Variants in MOB1B observed in about 807,000 individuals in gnomAD.
MOB1B encodes MOB kinase activator 1B.
Under a neutral mutation model 24.4 loss-of-function variants are expected in MOB1B, and 19 were observed. That is an observed-to-expected ratio of 0.78 (90% CI 0.54 to 1.14). The LOEUF (loss-of-function observed/expected upper bound fraction) is 1.14. Ranked by LOEUF, MOB1B falls within the 50% of genes most tolerant of loss-of-function variation. The pLI, the probability that MOB1B is intolerant of heterozygous loss-of-function variation, is 0.00. For missense variants in MOB1B, 243 were observed against 259.6 expected (o/e 0.94, Z 0.44); for synonymous variants, 76 against 82.1 (o/e 0.93, Z 0.40).
intron 1 of MOB1B, among the ~76,000 whole-genome samples, chr4:70,904,101 GCCT>G (rs1185205676): frequency 7.0e-6 from 1 of 143,466 alleles, no homozygotes; most frequent in East Asian, 2.2e-4. Flanking sequence ...TCCTGCCTCA[GCCT>G]CCTGAGTAGC....
intron 1 of MOB1B, among the ~76,000 whole-genome samples, chr4:70,951,327 A>G (rs1003740408): frequency 3.3e-5 from 5 of 152,168 alleles, no homozygotes; most frequent in African/African-American, 1.2e-4. Flanking sequence ...CCACTGTTTT[A>G]GAGTCTCAAA....
At chr4:70,933,601 G>T (rs1736968941) in intron 1 of MOB1B, among the ~76,000 whole-genome samples, 1 of 141,390 alleles carries the variant, frequency 7.1e-6, no homozygotes, top group African/African-American at 2.7e-5. Context: ...AACCAGGCTG[G>T]AGTGCAATGG....
Position 70,959,010 on chromosome 4 carries a change from G to T in MOB1B, c.151G>T (p.Glu51Ter). The T allele has an allele frequency of 6.2e-7, 1 of 1,613,956 alleles. No homozygotes were observed. Among genetic ancestry groups the T allele is most frequent in the East Asian group, 2.2e-5 (1 of 44,882 alleles). The change falls in exon 2 of 6, where the codon GAA (glutamate) becomes TAA (stop). Residue 51 changes from glutamate to a stop codon, truncating the protein, a stop_gained. Coordinates refer to ENST00000309395, the MANE Select transcript of MOB1B (RefSeq NM_173468.4). LOFTEE classifies it high-confidence loss of function. Reference protein sequence around the residue: ...LRMAVMLPEGEDLNEWVAVNT... With the variant: ...LRMAVMLPEG ...GATGGCTGTCATGCTTCCTGAAGGGGAAGATCTCAATGAATGGGTTGCAGT... is the reference window on the plus strand; with the variant it reads ...GATGGCTGTCATGCTTCCTGAAGGGTAAGATCTCAATGAATGGGTTGCAGT...
At chr4:70,965,817 A>G (rs1403056457) in intron 2 of MOB1B, among the ~76,000 whole-genome samples, 2 of 150,724 alleles carry the variant, frequency 1.3e-5, no homozygotes, top group African/African-American at 2.4e-5. Context: ...AAAAAAAAAA[A>G]AAAAAAAGTT....
chr4:70,930,687 T>G (rs1043267171), intron 1 of MOB1B, among the ~76,000 whole-genome samples: 2 of 152,224 alleles, frequency 1.3e-5, no homozygotes, highest in African/African-American at 4.8e-5. Context: ...TTTCTTTTTT[T>G]AAATGTCAGG....
chr4:70,927,904 C>T (rs939923441), intron 1 of MOB1B, among the ~76,000 whole-genome samples: 3 of 152,176 alleles, frequency 2.0e-5, no homozygotes, highest in African/African-American at 7.2e-5. Flanking sequence ...TCCGTGCCTT[C>T]CTGCTCTAAC....
At chr4:70,904,994 A>G (rs1384224314) in intron 1 of MOB1B, among the ~76,000 whole-genome samples, 1 of 152,170 alleles carries the variant, frequency 6.6e-6, no homozygotes, top group Non-Finnish European at 1.5e-5. Context: ...GAGCATTTGC[A>G]CTATTTGGGG....
chr4:70,941,657 C>T (rs1737350323), intron 1 of MOB1B, among the ~76,000 whole-genome samples: 2 of 152,138 alleles, frequency 1.3e-5, no homozygotes, highest in African/African-American at 4.8e-5. Context: ...TTTCTTCCTT[C>T]TTTCCCTTAC....
intron 1 of MOB1B, among the ~76,000 whole-genome samples, chr4:70,906,064 G>A (rs1332884837): frequency 6.6e-6 from 1 of 151,052 alleles, no homozygotes; most frequent in African/African-American, 2.4e-5. Context: ...CTGATAGAGA[G>A]TGAGACTCTG....
intron 1 of MOB1B, among the ~76,000 whole-genome samples, chr4:70,948,229 G>T (rs1737667863): frequency 6.6e-6 from 1 of 152,138 alleles, no homozygotes; most frequent in Non-Finnish European, 1.5e-5. Flanking sequence ...TCTTTTGTCA[G>T]TATCAGTTGA....
At chr4:70,976,631 G>T (rs1192624371) in intron 4 of MOB1B, 2 of 942,916 alleles carry the variant, frequency 2.1e-6, no homozygotes, top group Non-Finnish European at 1.3e-6. Context: ...GATTTTTTTT[G>T]AAAAAAAAAT....
In MOB1B at chr4:70,953,915, G is replaced by T. The variant is rs1339044293; in HGVS notation, c.15-4959G>T. Among the ~76,000 whole-genome samples, 4 of 152,084 alleles carry T rather than the reference G, an allele frequency of 2.6e-5. No homozygotes were observed. The South Asian group carries it at 8.3e-4, about 31-fold the overall frequency. ...GCCAAGATTATGCCACTGCACTCCA[G>T]CCTGGGTGACAGAGCAAGACTCTGT... On this transcript the variant is annotated intron_variant, in intron 1 of 5. Coordinates refer to ENST00000309395, the MANE Select transcript of MOB1B (RefSeq NM_173468.4).
chr4:70,962,863 G>T (rs1738360604), intron 2 of MOB1B, among the ~76,000 whole-genome samples: 1 of 151,980 alleles, frequency 6.6e-6, no homozygotes, highest in African/African-American at 2.4e-5. Context: ...AATTAGCCAG[G>T]CATGGTGGTG....
chr4:70,926,432 A>G (rs1736659475), intron 1 of MOB1B, among the ~76,000 whole-genome samples: 1 of 152,054 alleles, frequency 6.6e-6, no homozygotes, highest in African/African-American at 2.4e-5. Context: ...AGGGTAACGA[A>G]TGCTTCTTCC....
intron 1 of MOB1B, 151 bp downstream of exon 1, chr4:70,902,701 G>C (rs1033183927): frequency 7.1e-6 from 5 of 699,460 alleles, no homozygotes; most frequent in Non-Finnish European, 1.1e-5. Flanking sequence ...CCCCGGGACT[G>C]CGCGGAGCGC....
At chr4:70,948,076 A>T (rs1737658736) in intron 1 of MOB1B, among the ~76,000 whole-genome samples, 1 of 152,120 alleles carries the variant, frequency 6.6e-6, no homozygotes, top group Non-Finnish European at 1.5e-5. Flanking sequence ...TAGGTCTATC[A>T]TCTAATTCAT....
chr4:70,969,891 A>G (rs1257722240), intron 2 of MOB1B, 40 bp from the exon 3 acceptor site: 1 of 1,105,062 alleles, frequency 9.0e-7, no homozygotes. Flanking sequence ...TTTTAAATTT[A>G]GCCATTCTGT....
intron 2 of MOB1B, among the ~76,000 whole-genome samples, chr4:70,962,142 C>G (rs773649661): frequency 2.6e-4 from 39 of 152,024 alleles, no homozygotes; most frequent in Non-Finnish European, 1.5e-5. Flanking sequence ...GAGGATGGCT[C>G]GAGCCCAGGA....
intron 1 of MOB1B, among the ~76,000 whole-genome samples, chr4:70,957,501 A>T (rs1182706610): frequency 6.7e-6 from 1 of 150,126 alleles, no homozygotes; most frequent in Non-Finnish European, 1.5e-5. Flanking sequence ...TGGCATGATC[A>T]TTGCTCACTG....
Sources: allele counts gnomAD v4.1 joint callset (sites outside exome capture counted in the v4.1 genomes callset), GRCh38; gene constraint gnomAD v4.1.1; transcripts MANE v1.5; gene names NCBI Gene and HGNC (gene_info 2026-07-23, HGNC 2026-07-21).